The following ZC3H12B variants were observed in gnomAD, a reference collection of about 807,000 sequenced individuals.
ZC3H12B encodes probable ribonuclease ZC3H12B.
In ZC3H12B, 7 loss-of-function variants were observed where a neutral mutation model predicts 43.9. The observed-to-expected ratio is 0.16, with a 90% CI of 0.09 to 0.30. ZC3H12B has a LOEUF of 0.30. Among genes scored for constraint, ZC3H12B ranks in the 10% least tolerant of loss-of-function variants. The pLI, the probability that ZC3H12B is intolerant of heterozygous loss-of-function variation, is 1.00. For synonymous variants in ZC3H12B, 222 were observed against 241.7 expected, an observed-to-expected ratio of 0.92 and a Z score of 0.76; for missense variants, 475 against 670.2, an observed-to-expected ratio of 0.71 and a Z score of 3.22.
At chrX:65,119,826 A>C in the ZC3H12B span, among the ~76,000 whole-genome samples, 1 of 111,885 alleles carries the variant, frequency 8.9e-6, no homozygotes, top group African/African-American at 3.2e-5. Flanking sequence ...TTTTTGTATA[A>C]GGTGTAAGGA....
chrX:65,489,558 C>A, intron 1 of ZC3H12B, 149 bp downstream of exon 6: 1 of 756,369 alleles, frequency 1.3e-6, no homozygotes, highest in Non-Finnish European at 1.8e-6. Flanking sequence ...ATGATCCTGC[C>A]CTTGCCTTTT....
the ZC3H12B span, among the ~76,000 whole-genome samples, chrX:65,207,246 A>G: frequency 9.8e-5 from 10 of 101,951 alleles, no homozygotes; most frequent in East Asian, 6.0e-4. Context: ...GTGTGTGTGT[A>G]TATATACACA....
chrX:65,382,756 C>A (rs1242528143), intron 2 of ZC3H12B, among the ~76,000 whole-genome samples: 1 of 111,849 alleles, frequency 8.9e-6, no homozygotes. Flanking sequence ...TCAGCAAAGT[C>A]TCAAAATATA....
the ZC3H12B span, among the ~76,000 whole-genome samples, chrX:65,175,617 C>G: frequency 8.9e-6 from 1 of 112,065 alleles, no homozygotes; most frequent in African/African-American, 3.2e-5. Flanking sequence ...CAGCTCTGGT[C>G]TGCAGCTCTC....
At chrX:65,268,604 A>G in the ZC3H12B span, among the ~76,000 whole-genome samples, 1 of 112,866 alleles carries the variant, frequency 8.9e-6, no homozygotes, top group Non-Finnish European at 1.9e-5. Flanking sequence ...CTGCATTAAC[A>G]TATGCAAATC....
At chrX:65,164,392 G>T in the ZC3H12B span, among the ~76,000 whole-genome samples, 1 of 111,207 alleles carries the variant, frequency 9.0e-6, no homozygotes, top group Non-Finnish European at 1.9e-5. Context: ...CTCAAACACC[G>T]CTCAGGTTTT....
chrX:65,073,337 ATG>A, the ZC3H12B span, among the ~76,000 whole-genome samples: 1 of 111,982 alleles, frequency 8.9e-6, no homozygotes, highest in Non-Finnish European at 1.9e-5. Flanking sequence ...ACAGGTTGTT[ATG>A]TGTCTGTGGG....
At chrX:65,433,077 G>T (rs748592169) in intron 3 of ZC3H12B, among the ~76,000 whole-genome samples, 1 of 112,792 alleles carries the variant, frequency 8.9e-6, no homozygotes, top group Non-Finnish European at 1.9e-5. Flanking sequence ...GGAGAAAAAG[G>T]CATTTGCCAA....
At chrX:65,298,809 C>T in the ZC3H12B span, among the ~76,000 whole-genome samples, 15 of 111,654 alleles carry the variant, frequency 1.3e-4, no homozygotes, top group Admixed American at 4.8e-4. Context: ...AACATAGCTG[C>T]GGAAACCTCA....
chrX:65,487,453 T>C (rs753978839), upstream of ZC3H12B, among the ~76,000 whole-genome samples: 3 of 111,531 alleles, frequency 2.7e-5, no homozygotes, highest in Non-Finnish European at 5.7e-5. Flanking sequence ...GGCAGGAGAA[T>C]TGCTTGAACC....
chrX:65,121,608 G>T, the ZC3H12B span, among the ~76,000 whole-genome samples: 1 of 111,039 alleles, frequency 9.0e-6, no homozygotes, highest in Non-Finnish European at 1.9e-5. Flanking sequence ...CCAGCTCCTG[G>T]ATTCATTGAT....
chrX:65,384,372 G>A (rs905305857), intron 2 of ZC3H12B, among the ~76,000 whole-genome samples: 2 of 110,891 alleles, frequency 1.8e-5, no homozygotes, highest in Non-Finnish European at 3.8e-5. Context: ...ACTGTTGTGG[G>A]GTGTGGGGAG....
At chrX:65,211,874 AAT>A in the ZC3H12B span, among the ~76,000 whole-genome samples, 6 of 77,310 alleles carry the variant, frequency 7.8e-5, no homozygotes, top group South Asian at 6.2e-4. Context: ...TATAATATAT[AAT>A]ATATGTTATG....
chrX:65,369,215 G>T (rs1448415685), intron 2 of ZC3H12B, among the ~76,000 whole-genome samples: 1 of 111,461 alleles, frequency 9.0e-6, no homozygotes, highest in East Asian at 2.8e-4. Context: ...TAGGCTTTTG[G>T]AATTAACAGG....
chrX:65,295,784 C>T, the ZC3H12B span, among the ~76,000 whole-genome samples: 4 of 111,361 alleles, frequency 3.6e-5, no homozygotes, highest in East Asian at 5.6e-4. Flanking sequence ...CACCTTTACA[C>T]GCACAAACTA....
At chrX:65,382,082 A>C (rs1340128183) in intron 2 of ZC3H12B, among the ~76,000 whole-genome samples, 2 of 111,970 alleles carry the variant, frequency 1.8e-5, no homozygotes, top group Non-Finnish European at 3.8e-5. Flanking sequence ...AAAAGAGGGA[A>C]TCCTCCCTAA....
the ZC3H12B span, among the ~76,000 whole-genome samples, chrX:65,285,267 C>T: frequency 1.8e-5 from 2 of 109,768 alleles, no homozygotes. Flanking sequence ...ATCCCTTACC[C>T]TTCTCCCACC....
chrX:65,067,436 C>CCTA, the ZC3H12B span, among the ~76,000 whole-genome samples: 2 of 110,815 alleles, frequency 1.8e-5, no homozygotes, highest in Non-Finnish European at 3.8e-5. Flanking sequence ...GATGTGAGTC[C>CCTA]CTACTCTACT....
At chrX:65,245,940 G>A in the ZC3H12B span, among the ~76,000 whole-genome samples, 15 of 110,677 alleles carry the variant, frequency 1.4e-4, no homozygotes, top group Admixed American at 2.9e-4. Context: ...AAAAAAGAAA[G>A]GGCATCCAAA....
Sources: allele counts gnomAD v4.1 joint callset (sites outside exome capture counted in the v4.1 genomes callset), GRCh38; gene constraint gnomAD v4.1.1; transcripts MANE v1.5; gene names NCBI Gene and HGNC (gene_info 2026-07-23, HGNC 2026-07-21).